Variants in RABGAP1L observed in about 807,000 individuals in gnomAD.
The protein encoded by RABGAP1L is RAB GTPase activating protein 1 like.
A neutral mutation model predicts 137.7 loss-of-function variants in RABGAP1L; 63 were observed. That is an observed-to-expected ratio of 0.46 (90% CI 0.37 to 0.56). The LOEUF is 0.56. Ranked by LOEUF, RABGAP1L falls within the 20% of genes least tolerant of loss-of-function variation. The probability of loss-of-function intolerance (pLI) is 0.00; values close to 1 mark genes in which losing one functional copy is unlikely to be tolerated. For synonymous variants in RABGAP1L, 431 were observed against 433.7 expected, an observed-to-expected ratio of 0.99 and a Z score of 0.08; for missense variants, 1,095 against 1,244.0, an observed-to-expected ratio of 0.88 and a Z score of 1.80.
chr1:174,978,465 C>G (rs1375403758), intron 22 of RABGAP1L, among the ~76,000 whole-genome samples: 3 of 152,104 alleles, frequency 2.0e-5, no homozygotes. Flanking sequence ...ATTTAGCATG[C>G]AGTATTGCCT....
At chr1:174,982,277 T>TA (rs1409178732) in intron 23 of RABGAP1L, among the ~76,000 whole-genome samples, 1 of 152,108 alleles carries the variant, frequency 6.6e-6, no homozygotes, top group Non-Finnish European at 1.5e-5. Context: ...ATGTTATGCC[T>TA]CCCCTAGTCC....
chr1:174,441,906 A>T (rs1654205734), intron 13 of RABGAP1L, among the ~76,000 whole-genome samples: 1 of 151,604 alleles, frequency 6.6e-6, no homozygotes, highest in African/African-American at 2.4e-5. Flanking sequence ...TGCTTCTGAA[A>T]CTCTTCATCT....
chr1:174,746,947 G>T (rs907543164), intron 17 of RABGAP1L, among the ~76,000 whole-genome samples: 4 of 152,102 alleles, frequency 2.6e-5, no homozygotes, highest in African/African-American at 9.7e-5. Context: ...AATGATAAGT[G>T]GCCATAATAT....
intron 13 of RABGAP1L, among the ~76,000 whole-genome samples, chr1:174,411,945 A>T (rs1649983447): frequency 6.6e-6 from 1 of 152,194 alleles, no homozygotes; most frequent in African/African-American, 2.4e-5. Context: ...TGAGAAAGAT[A>T]TATATTCTGT....
intron 13 of RABGAP1L, among the ~76,000 whole-genome samples, chr1:174,514,109 C>T (rs1216378529): frequency 6.6e-6 from 1 of 152,024 alleles, no homozygotes; most frequent in East Asian, 1.9e-4. Context: ...GCAATATAAG[C>T]ATATGGCTAT....
intron 13 of RABGAP1L, among the ~76,000 whole-genome samples, chr1:174,542,023 A>G (rs1217284408): frequency 6.6e-6 from 1 of 152,204 alleles, no homozygotes; most frequent in Non-Finnish European, 1.5e-5. Context: ...CTTTGCATCA[A>G]TGTTCATCAG....
chr1:174,563,268 A>G (rs1290026401), intron 13 of RABGAP1L, among the ~76,000 whole-genome samples: 1 of 152,230 alleles, frequency 6.6e-6, no homozygotes, highest in Non-Finnish European at 1.5e-5. Flanking sequence ...GTTTTATGTG[A>G]AAGCTTTGAT....
intron 19 of RABGAP1L, chr1:174,877,396 G>T (rs189886979): frequency 6.4e-7 from 1 of 1,574,064 alleles, no homozygotes; most frequent in African/African-American, 1.3e-5. Context: ...ACTCAGGTGG[G>T]TGTGTACACT....
At chr1:174,341,261 G>A (rs772204117) in intron 11 of RABGAP1L, among the ~76,000 whole-genome samples, 66 of 152,174 alleles carry the variant, frequency 4.3e-4, no homozygotes, top group Non-Finnish European at 8.2e-4. Flanking sequence ...AGTGTGATAA[G>A]TGCCTCACTT....
At chr1:174,326,970 T>C (rs1680488271) in intron 11 of RABGAP1L, among the ~76,000 whole-genome samples, 1 of 152,160 alleles carries the variant, frequency 6.6e-6, no homozygotes, top group South Asian at 2.1e-4. Flanking sequence ...ACAGTAAAGC[T>C]ATTTTTTTTA....
chr1:174,386,004 G>C (rs1686735400), intron 12 of RABGAP1L, among the ~76,000 whole-genome samples: 1 of 149,972 alleles, frequency 6.7e-6, no homozygotes, highest in African/African-American at 2.5e-5. Context: ...TTGTTAGAAA[G>C]GATGTAACAG....
intron 12 of RABGAP1L, among the ~76,000 whole-genome samples, chr1:174,393,758 G>T (rs1647453775): frequency 6.6e-6 from 1 of 152,058 alleles, no homozygotes. Context: ...TAAGTGAGAA[G>T]AAGAACAAGC....
At chr1:174,329,619 G>A (rs928444565) in intron 11 of RABGAP1L, among the ~76,000 whole-genome samples, 2 of 152,090 alleles carry the variant, frequency 1.3e-5, no homozygotes, top group Admixed American at 6.5e-5. Flanking sequence ...CATTAAAAAG[G>A]TAATTCACCA....
At chr1:174,634,971 C>A (rs1673829631) in intron 13 of RABGAP1L, among the ~76,000 whole-genome samples, 1 of 147,572 alleles carries the variant, frequency 6.8e-6, no homozygotes, top group Non-Finnish European at 1.5e-5. Flanking sequence ...CAGCATGGCA[C>A]ATGTATACAT....
intron 13 of RABGAP1L, among the ~76,000 whole-genome samples, chr1:174,622,621 G>T (rs546701989): frequency 6.6e-6 from 1 of 152,074 alleles, no homozygotes; most frequent in African/African-American, 2.4e-5. Context: ...ACCAAACACC[G>T]CATGTTCTCA....
At chr1:174,322,866 G>A (rs960228479) in intron 11 of RABGAP1L, among the ~76,000 whole-genome samples, 7 of 152,150 alleles carry the variant, frequency 4.6e-5, no homozygotes, top group Admixed American at 2.0e-4. Context: ...GGCAGTTGGG[G>A]AATGTAATTG....
At chr1:174,835,881 C>T (rs1259800547) in intron 19 of RABGAP1L, among the ~76,000 whole-genome samples, 1 of 152,170 alleles carries the variant, frequency 6.6e-6, no homozygotes, top group Non-Finnish European at 1.5e-5. Context: ...AGCTTTCATG[C>T]TGTCTATCCC....
intron 13 of RABGAP1L, among the ~76,000 whole-genome samples, chr1:174,434,727 A>G (rs1653056014): frequency 6.6e-6 from 1 of 152,014 alleles, no homozygotes; most frequent in Non-Finnish European, 1.5e-5. Context: ...CCTTTTCCTG[A>G]TGACTGTGGG....
At chr1:174,662,109 T>TTC (rs1676422881) in intron 14 of RABGAP1L, among the ~76,000 whole-genome samples, 1 of 114,284 alleles carries the variant, frequency 8.8e-6, no homozygotes, top group African/African-American at 5.3e-5. Flanking sequence ...TTTCTTTTTT[T>TTC]TTTTTTTTTT....
Sources: gnomAD v4.1 joint callset for allele counts (sites outside exome capture counted in the v4.1 genomes callset) on GRCh38, gnomAD v4.1.1 for gene constraint, MANE v1.5 for transcripts, NCBI Gene and HGNC (gene_info 2026-07-23, HGNC 2026-07-21) for gene names.